The following RPP25L variants were observed in gnomAD, a reference collection of about 807,000 sequenced individuals.
RPP25L encodes the protein ribonuclease P protein subunit p25-like protein.
Under a neutral mutation model 10.1 loss-of-function variants are expected in RPP25L, and 5 were observed. That is an observed-to-expected ratio of 0.50 (90% confidence interval 0.26 to 1.04). The LOEUF (loss-of-function observed/expected upper bound fraction) is 1.04, where lower values mean the gene tolerates loss of function less well. RPP25L is among the 50% of genes least tolerant of loss of function. The pLI, the probability that RPP25L is intolerant of heterozygous loss-of-function variation, is 0.14. For missense variants in RPP25L, 192 were observed against 217.3 expected, an observed-to-expected ratio of 0.88 and a Z score of 0.73; for synonymous variants, 96 against 88.6, an observed-to-expected ratio of 1.08 and a Z score of -0.47.
At position 34,611,111 on chromosome 9, in the gene RPP25L, C is replaced by A; in HGVS notation, c.186G>T (p.Arg62Ser). 2.5e-6 allele frequency: 4 copies of A among 1,614,164 alleles called. No homozygotes were observed. The highest frequency in any genetic ancestry group is 3.4e-6 in the Non-Finnish European group (4 of 1,180,020). ...ARHVVFSGSG[R>S]AAGKAVSCAE... ...CGCAGCTGACAGCCTTTCCTGCAGC[C>A]CTGCCAGAACCTGAGAACACTACAT... The change falls in exon 2 of 2, where the codon AGG (arginine) becomes AGT (serine). Residue 62 changes from arginine to serine, a missense_variant. Physicochemically the swap from Arg to Ser is moderately radical, Grantham distance 110 (BLOSUM62 -1). Transcript: ENST00000378959. The surrounding 1 kb of genome is among the most constrained non-coding windows in gnomAD (Gnocchi z 4.4).
In RPP25L at chr9:34,611,628, G is replaced by A. The variant is rs78980773; in HGVS notation, c.-36-296C>T. Among the ~76,000 whole-genome samples, 747 of 152,262 alleles carry A rather than the reference G, an allele frequency of 4.9e-3. 6 individuals are homozygous for A. Among genetic ancestry groups the A allele is most frequent in the African/African-American group, 0.017 (719 of 41,532 alleles). ...ACTGAGCTCTTTGGGAAAGTGCCAG[G>A]CCCCCTCATCCTAAACTCTCCAGGA... On this transcript the variant is annotated intron_variant, in intron 1 of 1. Coordinates refer to ENST00000378959, the MANE Select transcript of RPP25L (RefSeq NM_148178.3). The surrounding 1 kb of genome is among the most constrained non-coding windows in gnomAD (Gnocchi z 4.4).
chr9:34,611,452 T>C lies in RPP25L; in HGVS notation c.-36-120A>G. On this transcript the variant is annotated intron_variant, in intron 1 of 1. Coordinates refer to ENST00000378959, the MANE Select transcript of RPP25L (RefSeq NM_148178.3). The surrounding 1 kb of genome is among the most constrained non-coding windows in gnomAD (Gnocchi z 4.4). ...TCCAGACTTCCCAGAAACAGGATCA[T>C]GTCCCCTTGTCCTTAGCATCTCGTG... The C allele has an allele frequency of 1.3e-6, 1 of 759,696 alleles. No homozygotes were observed. The highest frequency in any genetic ancestry group is 1.8e-5 in the South Asian group (1 of 54,506). 47.1% of individuals were successfully genotyped at this position (759,696 alleles called of 1,614,324 possible).
In RPP25L at chr9:34,611,030, GA is replaced by G. The variant is rs1330464019; in HGVS notation, c.266del (p.Phe89SerfsTer17). On this transcript the variant is annotated frameshift_variant, in exon 2 of 2. Transcript: ENST00000378959. LOFTEE classifies it high-confidence loss of function. This position sits in a 1 kb window ranked among gnomAD's most constrained non-coding sequence, Gnocchi z 4.4. ...PGLHQLTKLRFLQTEDSWVPA... is the reference protein window; with the variant it reads ...PGLHQLTKLRXLQTEDSWVPA... ...GGACCCAGCTGTCCTCAGTCTGAAG[GA>G]AACGTAGCTTGGTGAGCTGGTGCAG... 13 of 1,613,932 alleles carry G rather than the reference GA, an allele frequency of 8.1e-6. No individual in the cohort carries two copies. Among genetic ancestry groups the G allele is most frequent in the Non-Finnish European group, 1.1e-5 (13 of 1,180,008 alleles).
Position 34,610,642 on chromosome 9 carries a change from C to A in RPP25L, c.*163G>T, listed in dbSNP as rs1820286475. ...GCCCCACATCTGTCATTCTTCACAG[C>A]AGTCCCTTCCCACATGCTAGAGGGA... On this transcript the variant is annotated 3_prime_UTR_variant, in exon 2 of 2. Coordinates refer to ENST00000378959, the MANE Select transcript of RPP25L (RefSeq NM_148178.3). 8.0e-6 allele frequency: 6 copies of A among 754,448 alleles called. No homozygotes were observed. Among genetic ancestry groups the A allele is most frequent in the Non-Finnish European group, 1.3e-5 (6 of 472,666 alleles). 46.7% of individuals were successfully genotyped at this position (754,448 alleles called of 1,614,324 possible). A position where few individuals can be genotyped will look rare whatever the true frequency, so the allele number is the denominator to read the frequency against.
rs1157948976 is a variant in RPP25L, at chr9:34,610,793, C to T, written c.*12G>A. On this transcript the variant is annotated 3_prime_UTR_variant, in exon 2 of 2. Coordinates refer to ENST00000378959, the MANE Select transcript of RPP25L (RefSeq NM_148178.3). ...CATTCAGGCCCGGAGAACAGGCTGG[C>T]TCAGCAGGTCTTCACGATCGGGTGT... is the stretch of plus-strand genomic sequence containing the variant. 2 of 1,518,208 alleles carry T rather than the reference C, an allele frequency of 1.3e-6. No individual in the cohort carries two copies. Among genetic ancestry groups the T allele is most frequent in the East Asian group, 2.3e-5 (1 of 43,994 alleles). The allele number at this position is 1,518,208 out of a possible 1,614,324, so 94.0% of individuals were successfully genotyped here.
In RPP25L at chr9:34,611,474, C is replaced by T. The variant is rs1051350936; in HGVS notation, c.-36-142G>A. ...TCATGTCCCCTTGTCCTTAGCATCT[C>T]GTGACAAGGTCCATGCCTGCCGCAG... On this transcript the variant is annotated intron_variant, in intron 1 of 1. Coordinates refer to ENST00000378959, the MANE Select transcript of RPP25L (RefSeq NM_148178.3). The surrounding 1 kb of genome is among the most constrained non-coding windows in gnomAD (Gnocchi z 4.4). 60 of 688,660 alleles carry T rather than the reference C, an allele frequency of 8.7e-5. No individual in the cohort carries two copies. Among genetic ancestry groups the T allele is most frequent in the Non-Finnish European group, 1.1e-4 (47 of 415,384 alleles). 42.7% of individuals were successfully genotyped at this position (688,660 alleles called of 1,614,324 possible).
Position 34,610,658 on chromosome 9 carries a change from G to A in RPP25L, c.*147C>T. The A allele has an allele frequency of 3.4e-6, 3 of 872,626 alleles. No individual in the cohort carries two copies. The highest frequency in any genetic ancestry group is 3.6e-5 in the South Asian group (2 of 56,052). 54.1% of individuals were successfully genotyped at this position (872,626 alleles called of 1,614,324 possible). On this transcript the variant is annotated 3_prime_UTR_variant, in exon 2 of 2. Coordinates refer to ENST00000378959, the MANE Select transcript of RPP25L (RefSeq NM_148178.3). ...TCTTCACAGCAGTCCCTTCCCACAT[G>A]CTAGAGGGAAGGGGAAGCATGATAG...
rs1458223253 is a variant in RPP25L at position 34,610,969 on chromosome 9, C to A, written c.328G>T (p.Val110Leu). Reference sequence around the variant, plus strand: ...CACACTGCAGGCACATGGCGGCGCACTGTGAGGGGGTCTAGCCCTGTGTCA... The same window carrying A: ...CACACTGCAGGCACATGGCGGCGCAATGTGAGGGGGTCTAGCCCTGTGTCA... ...SPDTGLDPLTVRRHVPAVWVL... is the reference protein window; with the variant it reads ...SPDTGLDPLTLRRHVPAVWVL... The change falls in exon 2 of 2, where the codon GTG (valine) becomes TTG (leucine). Residue 110 changes from valine to leucine, a missense_variant. Val to Leu is a conservative substitution (Grantham distance 32, BLOSUM62 1). Coordinates refer to ENST00000378959, the MANE Select transcript of RPP25L (RefSeq NM_148178.3). The A allele has an allele frequency of 6.2e-7, 1 of 1,613,794 alleles. No homozygotes were observed. The highest frequency in any genetic ancestry group is 8.5e-7 in the Non-Finnish European group (1 of 1,179,992).
chr9:34,611,169 G>A lies in RPP25L; in HGVS notation c.128C>T (p.Ala43Val), dbSNP rs750963118. The change falls in exon 2 of 2, where the codon GCT (alanine) becomes GTT (valine). Residue 43 changes from alanine to valine, a missense_variant. Coordinates refer to ENST00000378959, the MANE Select transcript of RPP25L (RefSeq NM_148178.3). This position sits in a 1 kb window ranked among gnomAD's most constrained non-coding sequence, Gnocchi z 4.4. ...GSKIRNLLGL[A>V]LGRLEGGSAR... Reference sequence around the variant, plus strand: ...ACTGCCGCCCTCCAACCGACCCAGAGCCAACCCCAGCAGGTTGCGAATTTT... The same window carrying A: ...ACTGCCGCCCTCCAACCGACCCAGAACCAACCCCAGCAGGTTGCGAATTTT... The A allele has an allele frequency of 5.6e-6, 9 of 1,614,096 alleles. 1 individual carries two copies. The South Asian group carries it at 9.9e-5, about 18-fold the overall frequency.
rs1180044219 is a variant in RPP25L, at chr9:34,611,174, C to A, written c.123G>T (p.Gly41=). ...CGCCCTCCAACCGACCCAGAGCCAACCCCAGCAGGTTGCGAATTTTGCTGC... is the reference window on the plus strand; with the variant it reads ...CGCCCTCCAACCGACCCAGAGCCAAACCCAGCAGGTTGCGAATTTTGCTGC... ...RDGSKIRNLL[G]LALGRLEGGS... Residue 41 remains glycine, a synonymous_variant, in exon 2 of 2, where the codon GGG becomes GGT. Transcript: ENST00000378959. This position sits in a 1 kb window ranked among gnomAD's most constrained non-coding sequence, Gnocchi z 4.4. 6.2e-7 allele frequency: 1 copy of A among 1,614,148 alleles called. No homozygotes were observed. The highest frequency in any genetic ancestry group is 8.5e-7 in the Non-Finnish European group (1 of 1,180,026).
rs894585806 is a variant in RPP25L at position 34,611,501 on chromosome 9, C to G, written c.-36-169G>C. Among the ~76,000 whole-genome samples the G allele has an allele frequency of 3.3e-5, 5 of 152,136 alleles. No individual in the cohort carries two copies. The highest frequency in any genetic ancestry group is 7.4e-5 in the Non-Finnish European group (5 of 68,018). ...TGACAAGGTCCATGCCTGCCGCAGT[C>G]TGGGAAAGGGCTGTACCCCATACAC... On this transcript the variant is annotated intron_variant, in intron 1 of 1. Transcript: ENST00000378959. The surrounding 1 kb of genome is among the most constrained non-coding windows in gnomAD (Gnocchi z 4.4).
In RPP25L at chr9:34,611,126, G is replaced by A; in HGVS notation, c.171C>T (p.Phe57=). Residue 57 remains phenylalanine (F), a synonymous_variant, in exon 2 of 2, where the codon TTC becomes TTT. Coordinates refer to ENST00000378959, the MANE Select transcript of RPP25L (RefSeq NM_148178.3). The surrounding 1 kb of genome is among the most constrained non-coding windows in gnomAD (Gnocchi z 4.4). ...LEGGSARHVV[F]SGSGRAAGKA... ...TTCCTGCAGCCCTGCCAGAACCTGA[G>A]AACACTACATGCCGAGCACTGCCGC... 6.2e-7 allele frequency: 1 copy of A among 1,614,134 alleles called. No individual in the cohort carries two copies. The highest frequency in any genetic ancestry group is 8.5e-7 in the Non-Finnish European group (1 of 1,180,026).
In RPP25L at chr9:34,611,073, T is replaced by C. The variant is rs757738492; in HGVS notation, c.224A>G (p.Lys75Arg). The change falls in exon 2 of 2, where the codon AAG becomes AGG. Residue 75 changes from lysine to arginine, a missense_variant. Lys to Arg is a conservative substitution (Grantham distance 26). Coordinates refer to ENST00000378959, the MANE Select transcript of RPP25L (RefSeq NM_148178.3). This position sits in a 1 kb window ranked among gnomAD's most constrained non-coding sequence, Gnocchi z 4.4. ...GKAVSCAEIV[K>R]RRVPGLHQLT... ...CTGGTGCAGGCCTGGGACCCGCCGCTTGACAATCTCAGCGCAGCTGACAGC... is the reference window on the plus strand; with the variant it reads ...CTGGTGCAGGCCTGGGACCCGCCGCCTGACAATCTCAGCGCAGCTGACAGC... 1.2e-6 allele frequency: 2 copies of C among 1,614,050 alleles called. No homozygotes were observed. The highest frequency in any genetic ancestry group is 2.2e-5 in the South Asian group (2 of 91,078).
chr9:34,611,300 G>A lies in RPP25L; in HGVS notation c.-4C>T, dbSNP rs1328951602. The A allele has an allele frequency of 6.2e-7, 1 of 1,611,172 alleles. No individual in the cohort carries two copies. Among genetic ancestry groups the A allele is most frequent in the Admixed American group, 1.7e-5 (1 of 59,928 alleles). ...CAGCTTTCCGGTAGTGCTCCATCCT[G>A]CTTGCTGTCTTGTCTGTGACTCTCG... On this transcript the variant is annotated 5_prime_UTR_variant, in exon 2 of 2. Transcript: ENST00000378959. This position sits in a 1 kb window ranked among gnomAD's most constrained non-coding sequence, Gnocchi z 4.4.
rs1820286900 is a variant in RPP25L at position 34,610,681 on chromosome 9, T to C, written c.*124A>G. The stretch of plus-strand genomic sequence containing the variant: ...ATGCTAGAGGGAAGGGGAAGCATGA[T>C]AGGGAGGTCCACTTTTGTGGACTCA... On this transcript the variant is annotated 3_prime_UTR_variant, in exon 2 of 2. Coordinates refer to ENST00000378959, the MANE Select transcript of RPP25L (RefSeq NM_148178.3). The C allele has an allele frequency of 3.8e-6, 4 of 1,050,694 alleles. No individual in the cohort carries two copies. Among genetic ancestry groups the C allele is most frequent in the Non-Finnish European group, 5.5e-6 (4 of 731,562 alleles). 65.1% of individuals were successfully genotyped at this position (1,050,694 alleles called of 1,614,324 possible). A position where few individuals can be genotyped will look rare whatever the true frequency, so the allele number is the denominator to read the frequency against.
At position 34,610,549 on chromosome 9, in the gene RPP25L, GC is replaced by G; in HGVS notation, c.*255del. ...TCCCTCCCTGGACCTCTTTCAGAAG[GC>G]AGTTCAAATGCACTGTAGGTAGAAG... On this transcript the variant is annotated 3_prime_UTR_variant, in exon 2 of 2. Transcript: ENST00000378959. 4.6e-6 allele frequency: 2 copies of G among 437,994 alleles called. No homozygotes were observed. Among genetic ancestry groups the G allele is most frequent in the East Asian group, 3.5e-5 (1 of 28,938 alleles). 27.1% of individuals were successfully genotyped at this position (437,994 alleles called of 1,614,324 possible).
rs1820307997 is a variant in RPP25L, at chr9:34,611,862, A to C, written c.-37+202T>G. ...GGATCCCCTCTCCCAGAGATTACCA[A>C]GGTCAATCTATATCAACCCAGGTCA... is the stretch of plus-strand genomic sequence containing the variant. On this transcript the variant is annotated intron_variant, in intron 1 of 1. Transcript: ENST00000378959. This position sits in a 1 kb window ranked among gnomAD's most constrained non-coding sequence, Gnocchi z 4.4. 2 of 156,140 alleles carry C rather than the reference A, an allele frequency of 1.3e-5. No individual in the cohort carries two copies. The highest frequency in any genetic ancestry group is 1.2e-4 in the Admixed American group (2 of 16,120). The allele number at this position is 156,140 out of a possible 1,614,324, so 9.7% of individuals were successfully genotyped here.
chr9:34,610,594 T>C lies in RPP25L; in HGVS notation c.*211A>G, dbSNP rs929301126. 2.2e-5 allele frequency: 12 copies of C among 537,866 alleles called. No individual in the cohort carries two copies. Among genetic ancestry groups the C allele is most frequent in the Admixed American group, 1.0e-4 (3 of 29,340 alleles). The allele number at this position is 537,866 out of a possible 1,614,324, so 33.3% of individuals were successfully genotyped here. ...GTAGAAGGCAGAGGAAGCCCTTATT[T>C]AGCAATGCAGAACTTGGCAGAGGCC... On this transcript the variant is annotated 3_prime_UTR_variant, in exon 2 of 2. Coordinates refer to ENST00000378959, the MANE Select transcript of RPP25L (RefSeq NM_148178.3).
In RPP25L at chr9:34,611,509, G is replaced by T. The variant is rs1820301797; in HGVS notation, c.-36-177C>A. 6.6e-6 allele frequency among the ~76,000 whole-genome samples: 1 copy of T among 152,104 alleles called. No individual in the cohort carries two copies. Among genetic ancestry groups the T allele is most frequent in the African/African-American group, 2.4e-5 (1 of 41,402 alleles). On this transcript the variant is annotated intron_variant, in intron 1 of 1. Transcript: ENST00000378959. The surrounding 1 kb of genome is among the most constrained non-coding windows in gnomAD (Gnocchi z 4.4). Reference sequence around the variant, plus strand: ...TCCATGCCTGCCGCAGTCTGGGAAAGGGCTGTACCCCATACACCCCGTTCC... The same window carrying T: ...TCCATGCCTGCCGCAGTCTGGGAAATGGCTGTACCCCATACACCCCGTTCC...
Sources: allele counts gnomAD v4.1 joint callset (sites outside exome capture counted in the v4.1 genomes callset), GRCh38; gene constraint gnomAD v4.1.1; non-coding constraint Gnocchi (gnomAD v3.1); transcripts MANE v1.5; gene names NCBI Gene and HGNC (gene_info 2026-07-23, HGNC 2026-07-21).